The following ACKR2 variants were observed in gnomAD, a reference collection of about 807,000 sequenced individuals.
ACKR2 encodes atypical chemokine receptor 2.
For missense variants in ACKR2, 457 were observed against 477.3 expected, an observed-to-expected ratio of 0.96 and a Z score of 0.40; for synonymous variants, 207 against 192.2, an observed-to-expected ratio of 1.08 and a Z score of -0.64.
chr3:42,860,793 A>AAATAAGCT (rs1471810510), intron 2 of ACKR2, among the ~76,000 whole-genome samples: 1 of 152,230 alleles, frequency 6.6e-6, no homozygotes, highest in Non-Finnish European at 1.5e-5. Flanking sequence ...AGGCAGAAAT[A>AAATAAGCT]AATAAGCTCT....
intron 2 of ACKR2, among the ~76,000 whole-genome samples, chr3:42,860,188 A>AAAAAAAAAAAC (rs1559693615): frequency 6.8e-6 from 1 of 146,172 alleles, no homozygotes; most frequent in Non-Finnish European, 1.5e-5. Context: ...AAAAAAAAAA[A>AAAAAAAAAAAC]AGCAGGGGAT....
intron 1 of ACKR2, among the ~76,000 whole-genome samples, chr3:42,812,591 C>A (rs1034791860): frequency 6.6e-6 from 1 of 151,670 alleles, no homozygotes; most frequent in African/African-American, 2.4e-5. Context: ...TGCTTGCTTA[C>A]CTCTCCAGGT....
At chr3:42,845,023 A>G (rs117383505) in intron 2 of ACKR2, among the ~76,000 whole-genome samples, 1 of 152,178 alleles carries the variant, frequency 6.6e-6, no homozygotes, top group East Asian at 1.9e-4. Flanking sequence ...ACTTCATTTG[A>G]TTGCTTCAGG....
intron 2 of ACKR2, among the ~76,000 whole-genome samples, chr3:42,836,672 T>G (rs907931354): frequency 2.6e-5 from 4 of 152,206 alleles, no homozygotes; most frequent in African/African-American, 4.8e-5. Flanking sequence ...TGAACTTGAA[T>G]ACAATTCAGA....
intron 2 of ACKR2, among the ~76,000 whole-genome samples, chr3:42,838,687 A>G (rs1575383030): frequency 6.6e-6 from 1 of 152,174 alleles, no homozygotes; most frequent in African/African-American, 2.4e-5. Flanking sequence ...CAACATAGTC[A>G]CTCTATTCCT....
intron 2 of ACKR2, chr3:42,850,908 T>G (rs1319542082): frequency 3.3e-5 from 5 of 152,316 alleles, no homozygotes; most frequent in African/African-American, 1.2e-4. Context: ...ACACAGTGGG[T>G]GTAGCAGACA....
At chr3:42,863,912 G>C (rs1363791030) in intron 2 of ACKR2, among the ~76,000 whole-genome samples, 1 of 152,030 alleles carries the variant, frequency 6.6e-6, no homozygotes, top group Admixed American at 6.5e-5. Context: ...TAATGTAAAT[G>C]ACAGATTGAT....
At chr3:42,848,089 A>C (rs1454682253) in intron 2 of ACKR2, among the ~76,000 whole-genome samples, 2 of 152,072 alleles carry the variant, frequency 1.3e-5, no homozygotes, top group African/African-American at 4.8e-5. Context: ...AAATATTTTA[A>C]AAGAGGATGA....
chr3:42,858,428 G>A (rs1421427121), intron 2 of ACKR2, among the ~76,000 whole-genome samples: 1 of 152,134 alleles, frequency 6.6e-6, no homozygotes, highest in Non-Finnish European at 1.5e-5. Context: ...TGCAGCAGAG[G>A]GGCCTGACTG....
chr3:42,812,848 G>A (rs896238642), intron 1 of ACKR2, among the ~76,000 whole-genome samples: 8 of 151,738 alleles, frequency 5.3e-5, no homozygotes, highest in African/African-American at 1.7e-4. Flanking sequence ...CACCACATCC[G>A]GCTAATTTTT....
At chr3:42,838,781 A>C (rs1039788950) in intron 2 of ACKR2, among the ~76,000 whole-genome samples, 1 of 152,254 alleles carries the variant, frequency 6.6e-6, no homozygotes, top group African/African-American at 2.4e-5. Flanking sequence ...TTTGTTGATT[A>C]CAAAAAAACT....
At chr3:42,838,293 G>C (rs1701004030) in intron 2 of ACKR2, among the ~76,000 whole-genome samples, 1 of 152,108 alleles carries the variant, frequency 6.6e-6, no homozygotes, top group African/African-American at 2.4e-5. Flanking sequence ...TCATATATCT[G>C]ATAAAAGACT....
intron 2 of ACKR2, among the ~76,000 whole-genome samples, chr3:42,850,624 C>T (rs1399529152): frequency 2.0e-5 from 3 of 152,250 alleles, no homozygotes; most frequent in East Asian, 3.9e-4. Context: ...CAGGTGCTGT[C>T]CTGGGAAGGC....
At chr3:42,847,429 A>AT (rs1183807914) in intron 2 of ACKR2, among the ~76,000 whole-genome samples, 1 of 152,192 alleles carries the variant, frequency 6.6e-6, no homozygotes, top group Non-Finnish European at 1.5e-5. Context: ...AGGTTCTGGC[A>AT]TAACAGCAAA....
intron 2 of ACKR2, among the ~76,000 whole-genome samples, chr3:42,833,116 G>A (rs554608402): frequency 2.0e-5 from 3 of 152,194 alleles, no homozygotes; most frequent in Admixed American, 6.5e-5. Context: ...TGCCCGCCTT[G>A]GCCTCCCAAA....
At chr3:42,818,659 T>A (rs1014606006) in intron 1 of ACKR2, among the ~76,000 whole-genome samples, 1 of 152,126 alleles carries the variant, frequency 6.6e-6, no homozygotes, top group Non-Finnish European at 1.5e-5. Flanking sequence ...TCTCTCGGGT[T>A]CAAGCAATTC....
intron 2 of ACKR2, among the ~76,000 whole-genome samples, chr3:42,839,683 A>G (rs993981465): frequency 3.3e-5 from 5 of 152,180 alleles, no homozygotes; most frequent in African/African-American, 1.2e-4. Context: ...ACAAAGTGAG[A>G]ACTTTTTGGT....
intron 2 of ACKR2, among the ~76,000 whole-genome samples, chr3:42,836,492 T>C (rs1203463567): frequency 6.6e-6 from 1 of 152,232 alleles, no homozygotes. Flanking sequence ...ACGGCACCTC[T>C]ATTCCAGCAG....
intron 2 of ACKR2, among the ~76,000 whole-genome samples, chr3:42,828,666 A>G (rs1448228529): frequency 1.3e-5 from 2 of 152,186 alleles, no homozygotes; most frequent in Non-Finnish European, 2.9e-5. Flanking sequence ...TTTATCTCAC[A>G]TGCCAGTTAG....
Sources: allele counts gnomAD v4.1 joint callset (sites outside exome capture counted in the v4.1 genomes callset), GRCh38; gene constraint gnomAD v4.1.1; transcripts MANE v1.5; gene names NCBI Gene and HGNC (gene_info 2026-07-23, HGNC 2026-07-21).